Variants in PDZRN4 observed in about 807,000 individuals in gnomAD.
PDZRN4 encodes PDZ domain-containing RING finger protein 4.
A neutral mutation model predicts 99.0 loss-of-function variants in PDZRN4; 70 were observed. That is an observed-to-expected ratio of 0.71 (90% CI 0.58 to 0.86). The LOEUF is 0.86. Ranked by LOEUF, PDZRN4 falls within the 40% of genes least tolerant of loss-of-function variation. PDZRN4 has a pLI of 0.00. For missense variants in PDZRN4, 1,474 were observed against 1,331.2 expected (o/e 1.11, Z -1.67); for synonymous variants, 551 against 501.6 (o/e 1.10, Z -1.32).
At chr12:41,227,220 T>C (rs1951000846) in intron 3 of PDZRN4, among the ~76,000 whole-genome samples, 1 of 152,176 alleles carries the variant, frequency 6.6e-6, no homozygotes, top group Non-Finnish European at 1.5e-5. Flanking sequence ...AGTCAAGTGG[T>C]GTTCAGAAGT....
chr12:41,239,326 T>C (rs1037555531), intron 3 of PDZRN4, among the ~76,000 whole-genome samples: 3 of 151,908 alleles, frequency 2.0e-5, no homozygotes, highest in Non-Finnish European at 4.4e-5. Flanking sequence ...TGGAGGAATG[T>C]TGTGGGGAGG....
At chr12:41,555,001 G>A (rs1939122552) in intron 6 of PDZRN4, among the ~76,000 whole-genome samples, 1 of 141,880 alleles carries the variant, frequency 7.0e-6, no homozygotes, top group Admixed American at 7.6e-5. Flanking sequence ...AAGGTCAGGA[G>A]ATCAAGACCA....
At chr12:41,379,960 T>C (rs944825540) in intron 3 of PDZRN4, among the ~76,000 whole-genome samples, 1 of 152,096 alleles carries the variant, frequency 6.6e-6, no homozygotes, top group African/African-American at 2.4e-5. Context: ...CCTACTATTA[T>C]AAAATTGCTA....
intron 3 of PDZRN4, among the ~76,000 whole-genome samples, chr12:41,433,625 C>T (rs561778574): frequency 9.9e-5 from 15 of 152,160 alleles, no homozygotes; most frequent in Admixed American, 4.6e-4. Flanking sequence ...AGCGGAGTTA[C>T]GTACGGAACT....
At chr12:41,534,894 C>T (rs146515439) in intron 5 of PDZRN4, among the ~76,000 whole-genome samples, 136 of 152,186 alleles carry the variant, frequency 8.9e-4, no homozygotes, top group African/African-American at 3.2e-3. Context: ...CTCCATATTT[C>T]CTAACTACTA....
At chr12:41,416,524 C>T (rs950735523) in intron 3 of PDZRN4, among the ~76,000 whole-genome samples, 1 of 151,608 alleles carries the variant, frequency 6.6e-6, no homozygotes, top group African/African-American at 2.4e-5. Flanking sequence ...GGGCAGTCAC[C>T]TGTAATCCTA....
At chr12:41,543,128 A>G (rs1260681325) in intron 5 of PDZRN4, among the ~76,000 whole-genome samples, 1 of 152,124 alleles carries the variant, frequency 6.6e-6, no homozygotes, top group Non-Finnish European at 1.5e-5. Flanking sequence ...CTCCATGTAA[A>G]CAGTAGCTTC....
chr12:41,195,200 A>G (rs1950763241), intron 3 of PDZRN4, among the ~76,000 whole-genome samples: 1 of 152,186 alleles, frequency 6.6e-6, no homozygotes, highest in Admixed American at 6.5e-5. Context: ...TTAAGATAAT[A>G]TTACTTTTTG....
At chr12:41,214,252 T>TAAAAAAAAAAAAAA (rs60618442) in intron 3 of PDZRN4, among the ~76,000 whole-genome samples, 1 of 84,756 alleles carries the variant, frequency 1.2e-5, no homozygotes, top group African/African-American at 4.7e-5. Context: ...ACCCTGTATT[T>TAAAAAAAAAAAAAA]AAAAAAAAAA....
chr12:41,565,282 T>C (rs1347743374), intron 8 of PDZRN4, among the ~76,000 whole-genome samples: 1 of 151,990 alleles, frequency 6.6e-6, no homozygotes, highest in African/African-American at 2.4e-5. Flanking sequence ...TGATCTGCAT[T>C]AGCCCCTTGA....
At position 41,572,811 on chromosome 12, in the gene PDZRN4, C is replaced by T. The variant is rs559954179; in HGVS notation, c.2032C>T (p.Leu678Phe). The change falls in exon 10 of 10, where the codon CTT (leucine) becomes TTT (phenylalanine). Residue 678 changes from leucine to phenylalanine, a missense_variant. Leu to Phe is a conservative substitution (Grantham distance 22). Transcript: ENST00000402685. The part of the protein sequence containing the change: ...LLNEELRNIE[L>F]ECQNIMQAHR... ...TAATGAAGAACTGAGAAACATTGAG[C>T]TTGAGTGTCAGAATATCATGCAGGC... 6.2e-7 allele frequency: 1 copy of T among 1,614,108 alleles called. No individual in the cohort carries two copies. Among genetic ancestry groups the T allele is most frequent in the Non-Finnish European group, 8.5e-7 (1 of 1,179,994 alleles).
chr12:41,463,299 A>T (rs1952889807), intron 3 of PDZRN4, among the ~76,000 whole-genome samples: 1 of 152,126 alleles, frequency 6.6e-6, no homozygotes, highest in South Asian at 2.1e-4. Flanking sequence ...CACTTCAGGG[A>T]TGCCTACCCA....
intron 3 of PDZRN4, among the ~76,000 whole-genome samples, chr12:41,232,018 C>A (rs899528113): frequency 6.6e-6 from 1 of 151,704 alleles, no homozygotes. Context: ...TACATTAGTT[C>A]TTTGTTTCTA....
At chr12:41,377,732 T>G (rs578115426) in intron 3 of PDZRN4, among the ~76,000 whole-genome samples, 2 of 152,318 alleles carry the variant, frequency 1.3e-5, no homozygotes, top group South Asian at 4.1e-4. Context: ...TTCCTAAGTA[T>G]TATAGATTTG....
At chr12:41,515,020 C>G (rs1372979477) in intron 5 of PDZRN4, among the ~76,000 whole-genome samples, 1 of 152,008 alleles carries the variant, frequency 6.6e-6, no homozygotes, top group East Asian at 1.9e-4. Context: ...CCCTTTATTA[C>G]TTGTTGAACA....
chr12:41,308,748 A>G (rs1951587458), intron 3 of PDZRN4, among the ~76,000 whole-genome samples: 1 of 152,210 alleles, frequency 6.6e-6, no homozygotes, highest in Admixed American at 6.5e-5. Flanking sequence ...TGAATACTTA[A>G]GTGACAAATA....
At chr12:41,212,816 C>A (rs1216000209) in intron 3 of PDZRN4, among the ~76,000 whole-genome samples, 7 of 151,906 alleles carry the variant, frequency 4.6e-5, no homozygotes, top group African/African-American at 9.7e-5. Flanking sequence ...AGAAACATGA[C>A]TAAGTGTTAG....
At chr12:41,304,936 G>A (rs899846688) in intron 3 of PDZRN4, among the ~76,000 whole-genome samples, 27 of 152,306 alleles carry the variant, frequency 1.8e-4, no homozygotes, top group African/African-American at 6.0e-4. Flanking sequence ...CTTGCAGTAT[G>A]GGAATATGAC....
At chr12:41,362,545 C>A (rs1951971217) in intron 3 of PDZRN4, among the ~76,000 whole-genome samples, 1 of 151,950 alleles carries the variant, frequency 6.6e-6, no homozygotes. Flanking sequence ...GAAAGAAAAT[C>A]TATTCTTTCA....
Sources: gnomAD v4.1 joint callset for allele counts (sites outside exome capture counted in the v4.1 genomes callset) on GRCh38, gnomAD v4.1.1 for gene constraint, MANE v1.5 for transcripts, NCBI Gene and HGNC (gene_info 2026-07-23, HGNC 2026-07-21) for gene names.